The following UNC5D variants were observed in gnomAD, a reference collection of about 807,000 sequenced individuals.
UNC5D encodes the protein unc-5 netrin receptor D.
Under a neutral mutation model 105.4 loss-of-function variants are expected in UNC5D, and 39 were observed. The observed-to-expected ratio is 0.37, with a 90% CI of 0.29 to 0.48. The LOEUF is 0.48. Ranked by LOEUF, UNC5D falls within the 20% of genes least tolerant of loss-of-function variation. The probability of loss-of-function intolerance (pLI) is 0.98; values close to 1 mark genes in which losing one functional copy is unlikely to be tolerated. For missense variants in UNC5D, 991 were observed against 1,202.4 expected (o/e 0.82, Z 2.60); for synonymous variants, 452 against 450.4 (o/e 1.00, Z -0.04).
intron 3 of UNC5D, among the ~76,000 whole-genome samples, chr8:35,580,879 C>A (rs912737197): frequency 6.6e-6 from 1 of 152,116 alleles, no homozygotes; most frequent in Non-Finnish European, 1.5e-5. Flanking sequence ...AATTTAATAT[C>A]AGCATGAAGA....
At chr8:35,671,492 T>C (rs948308907) in intron 4 of UNC5D, among the ~76,000 whole-genome samples, 105 of 152,182 alleles carry the variant, frequency 6.9e-4, no homozygotes, top group Admixed American at 6.9e-3. Flanking sequence ...AAAGAACTTT[T>C]GTTTGGAGCA....
chr8:35,763,051 GT>G (rs1481695494), intron 14 of UNC5D, among the ~76,000 whole-genome samples: 1 of 152,120 alleles, frequency 6.6e-6, no homozygotes, highest in African/African-American at 2.4e-5. Context: ...GCTCGTTGGT[GT>G]TTTTTGTTTT....
intron 8 of UNC5D, among the ~76,000 whole-genome samples, 165 bp from the exon 9 acceptor site, chr8:35,722,045 C>T (rs367928262): frequency 2.0e-5 from 3 of 152,190 alleles, no homozygotes; most frequent in African/African-American, 4.8e-5. Context: ...ATTTTAGAAA[C>T]ACGATTACTG....
chr8:35,673,984 C>T (rs1825022319), intron 4 of UNC5D, among the ~76,000 whole-genome samples: 1 of 152,098 alleles, frequency 6.6e-6, no homozygotes, highest in African/African-American at 2.4e-5. Context: ...CTTGGCATGA[C>T]CTATCCGTGG....
intron 1 of UNC5D, among the ~76,000 whole-genome samples, chr8:35,411,457 G>T (rs1805161111): frequency 6.6e-6 from 1 of 151,978 alleles, no homozygotes; most frequent in Admixed American, 6.6e-5. Flanking sequence ...TATTTTTTAT[G>T]GGGCAGAGAT....
chr8:35,468,170 G>A (rs148396968), intron 1 of UNC5D, among the ~76,000 whole-genome samples: 15 of 152,276 alleles, frequency 9.9e-5, no homozygotes, highest in Middle Eastern at 3.4e-3. Context: ...TAATGTGTTG[G>A]TCGTTTAGGG....
intron 1 of UNC5D, among the ~76,000 whole-genome samples, chr8:35,499,331 C>T (rs1219930390): frequency 6.6e-6 from 1 of 152,194 alleles, no homozygotes; most frequent in Admixed American, 6.5e-5. Flanking sequence ...TTTAGCCATC[C>T]TTTGTGGAAG....
At chr8:35,615,035 G>GCAC (rs1394702258) in intron 4 of UNC5D, among the ~76,000 whole-genome samples, 4 of 53,820 alleles carry the variant, frequency 7.4e-5, no homozygotes, top group Non-Finnish European at 1.2e-4. Context: ...CATAGTGAGG[G>GCAC]GCCCCCCCCC....
At chr8:35,427,972 A>T (rs1299315905) in intron 1 of UNC5D, among the ~76,000 whole-genome samples, 1 of 152,174 alleles carries the variant, frequency 6.6e-6, no homozygotes, top group African/African-American at 2.4e-5. Context: ...AACACTTTTC[A>T]ATAACAAAGT....
intron 13 of UNC5D, among the ~76,000 whole-genome samples, chr8:35,756,360 A>G (rs531789832): frequency 1.3e-4 from 20 of 152,224 alleles, no homozygotes; most frequent in African/African-American, 4.8e-4. Flanking sequence ...CTTCCATGAT[A>G]ATTATAAGCA....
intron 1 of UNC5D, among the ~76,000 whole-genome samples, chr8:35,466,516 C>T (rs747669454): frequency 6.6e-6 from 1 of 152,098 alleles, no homozygotes; most frequent in Non-Finnish European, 1.5e-5. Context: ...TGTAAAAATG[C>T]AACACATTGG....
At chr8:35,767,096 C>A (rs1465227987) in intron 15 of UNC5D, 30 bp downstream of exon 15, 1 of 1,578,514 alleles carries the variant, frequency 6.3e-7, no homozygotes, top group Non-Finnish European at 8.6e-7. Context: ...GTCATTTGAC[C>A]CCCTTTCTGA....
chr8:35,637,293 G>A (rs1822441600), intron 4 of UNC5D, among the ~76,000 whole-genome samples: 1 of 152,084 alleles, frequency 6.6e-6, no homozygotes, highest in Non-Finnish European at 1.5e-5. Context: ...AGAGACTCTA[G>A]CACAACTAGG....
intron 1 of UNC5D, among the ~76,000 whole-genome samples, chr8:35,320,151 A>G (rs1014246269): frequency 6.6e-6 from 1 of 152,084 alleles, no homozygotes; most frequent in African/African-American, 2.4e-5. Context: ...TAAGACATCA[A>G]TCAGTATATG....
intron 1 of UNC5D, among the ~76,000 whole-genome samples, chr8:35,365,925 ACTG>A (rs1002046434): frequency 2.0e-5 from 3 of 152,242 alleles, no homozygotes; most frequent in East Asian, 1.9e-4. Flanking sequence ...CAATGAAAGA[ACTG>A]CTCACATTTT....
At chr8:35,749,989 T>A (rs374304317) in intron 12 of UNC5D, among the ~76,000 whole-genome samples, 2 of 136,956 alleles carry the variant, frequency 1.5e-5, no homozygotes. Context: ...GAAATAGTTG[T>A]AAAAAAAAAA....
At chr8:35,281,383 G>A (rs568837907) in intron 1 of UNC5D, among the ~76,000 whole-genome samples, 1 of 151,806 alleles carries the variant, frequency 6.6e-6, no homozygotes, top group East Asian at 1.9e-4. Flanking sequence ...TGCACCAAAT[G>A]AGTAATTACA....
chr8:35,726,948 T>C (rs1436610), intron 10 of UNC5D: 187,218 of 187,250 alleles, frequency 1, 93,593 homozygotes, highest in East Asian at 1. Flanking sequence ...TTTAGTGAAA[T>C]GACATCTCAT....
chr8:35,297,544 G>T (rs941652777), intron 1 of UNC5D, among the ~76,000 whole-genome samples: 1 of 152,112 alleles, frequency 6.6e-6, no homozygotes, highest in East Asian at 1.9e-4. Context: ...AGGAAGCTAA[G>T]GAGCCAAAGG....
Sources: allele counts gnomAD v4.1 joint callset (sites outside exome capture counted in the v4.1 genomes callset), GRCh38; gene constraint gnomAD v4.1.1; transcripts MANE v1.5; gene names NCBI Gene and HGNC (gene_info 2026-07-23, HGNC 2026-07-21).